GABBR2: variants seen among roughly 807,000 people sequenced by gnomAD.
The protein encoded by GABBR2 is G-protein coupled receptor 51.
A neutral mutation model predicts 105.6 loss-of-function variants in GABBR2; 23 were observed. That is an observed-to-expected ratio of 0.22 (90% CI 0.16 to 0.31). The LOEUF (loss-of-function observed/expected upper bound fraction) is 0.31, where lower values mean the gene tolerates loss of function less well. Ranked by LOEUF, GABBR2 falls within the 10% of genes least tolerant of loss-of-function variation. The pLI, the probability that GABBR2 is intolerant of heterozygous loss-of-function variation, is 1.00. For synonymous variants in GABBR2, 478 were observed against 499.7 expected (o/e 0.96, Z 0.58); for missense variants, 734 against 1,245.5 (o/e 0.59, Z 6.18).
At chr9:98,323,246 G>A (rs1047597661) in intron 13 of GABBR2, among the ~76,000 whole-genome samples, 7 of 152,206 alleles carry the variant, frequency 4.6e-5, no homozygotes, top group South Asian at 4.1e-4. Flanking sequence ...AGGGCCCCAC[G>A]ACAGTGCTCT....
At chr9:98,552,787 C>T (rs1479060112) in intron 2 of GABBR2, among the ~76,000 whole-genome samples, 3 of 152,154 alleles carry the variant, frequency 2.0e-5, no homozygotes, top group Non-Finnish European at 4.4e-5. Context: ...GGGGAACAAT[C>T]ATTTCTCCTT....
chr9:98,651,578 A>T (rs59647504), intron 1 of GABBR2, among the ~76,000 whole-genome samples: 13,776 of 151,964 alleles, frequency 0.091, 958 homozygotes, highest in African/African-American at 0.19. Context: ...AGAATTACAA[A>T]CACACACCAT....
intron 1 of GABBR2, among the ~76,000 whole-genome samples, chr9:98,647,886 A>G (rs143439612): frequency 1.1e-3 from 174 of 152,218 alleles, no homozygotes; most frequent in African/African-American, 3.9e-3. Context: ...ATTCAAGTAC[A>G]ATTCTCATAT....
chr9:98,459,577 T>C (rs1826387741), intron 6 of GABBR2, among the ~76,000 whole-genome samples: 1 of 152,228 alleles, frequency 6.6e-6, no homozygotes, highest in South Asian at 2.1e-4. Flanking sequence ...AAAGTGAGCC[T>C]GGTATTAAGA....
At chr9:98,698,362 A>T (rs914544137) in intron 1 of GABBR2, among the ~76,000 whole-genome samples, 5 of 152,222 alleles carry the variant, frequency 3.3e-5, no homozygotes, top group African/African-American at 1.2e-4. Flanking sequence ...ACTACTCTAA[A>T]AAAATCAGAA....
At chr9:98,577,694 G>A (rs1405657490) in intron 2 of GABBR2, among the ~76,000 whole-genome samples, 2 of 152,216 alleles carry the variant, frequency 1.3e-5, no homozygotes, top group African/African-American at 4.8e-5. Flanking sequence ...TAGGGAGTCA[G>A]TGGTGAGCCC....
intron 11 of GABBR2, among the ~76,000 whole-genome samples, chr9:98,381,938 C>G (rs915629614): frequency 6.6e-6 from 1 of 152,100 alleles, no homozygotes; most frequent in Non-Finnish European, 1.5e-5. Flanking sequence ...TGCTCCCTAG[C>G]CTGCGTCACC....
chr9:98,685,120 G>A (rs899942888), intron 1 of GABBR2, among the ~76,000 whole-genome samples: 5 of 152,208 alleles, frequency 3.3e-5, no homozygotes, highest in Non-Finnish European at 5.9e-5. Flanking sequence ...ATAAAAGCAG[G>A]CAGAGGAAAA....
At chr9:98,482,023 C>T (rs780519507) in intron 4 of GABBR2, among the ~76,000 whole-genome samples, 16 of 152,126 alleles carry the variant, frequency 1.1e-4, no homozygotes, top group Non-Finnish European at 1.9e-4. Context: ...ACGGGTGGGG[C>T]GGCCACCAGG....
rs576456763 is a variant in GABBR2, at chr9:98,305,381, A to G, written c.2229+740T>C. On this transcript the variant is annotated intron_variant, in intron 15 of 18. Transcript: ENST00000259455. ...AAAAAATGTTCATTTCTAAAATCCA[A>G]TGCTCACCAATATAAGATCAAGTGG... 9.2e-5 allele frequency among the ~76,000 whole-genome samples: 14 copies of G among 152,372 alleles called. No individual in the cohort carries two copies. The South Asian group carries it at 1.0e-3, about 11-fold the overall frequency.
intron 1 of GABBR2, among the ~76,000 whole-genome samples, chr9:98,586,145 T>C (rs1278850495): frequency 6.6e-6 from 1 of 152,102 alleles, no homozygotes; most frequent in Non-Finnish European, 1.5e-5. Flanking sequence ...TGAAAAATAG[T>C]AATGCGAACA....
intron 3 of GABBR2, among the ~76,000 whole-genome samples, chr9:98,515,669 C>T (rs765081168): frequency 6.6e-6 from 1 of 152,046 alleles, no homozygotes; most frequent in Non-Finnish European, 1.5e-5. Flanking sequence ...CCAGAGCCCA[C>T]CTCTCCTCCT....
chr9:98,601,018 T>C (rs749481126), intron 1 of GABBR2, among the ~76,000 whole-genome samples: 1 of 152,208 alleles, frequency 6.6e-6, no homozygotes, highest in Non-Finnish European at 1.5e-5. Context: ...AGCTCACATG[T>C]CACTTTCTGC....
At chr9:98,397,559 T>C (rs1439209474) in intron 8 of GABBR2, among the ~76,000 whole-genome samples, 4 of 152,210 alleles carry the variant, frequency 2.6e-5, no homozygotes, top group Non-Finnish European at 5.9e-5. Context: ...AAATTACGGT[T>C]ATTTTATTCA....
intron 7 of GABBR2, among the ~76,000 whole-genome samples, chr9:98,406,703 GCTT>G (rs2131530785): frequency 6.6e-6 from 1 of 152,338 alleles, no homozygotes; most frequent in African/African-American, 2.4e-5. Context: ...AAAAAACTAA[GCTT>G]CTTGAGCCAG....
intron 4 of GABBR2, 113 bp downstream of exon 4, chr9:98,496,299 TG>T (rs1211815323): frequency 1.4e-6 from 1 of 708,002 alleles, no homozygotes; most frequent in Admixed American, 2.1e-5. Flanking sequence ...GATGCCAAGG[TG>T]GAAATGAACT....
At chr9:98,370,936 G>A (rs1376119957) in intron 12 of GABBR2, among the ~76,000 whole-genome samples, 1 of 152,146 alleles carries the variant, frequency 6.6e-6, no homozygotes, top group Admixed American at 6.5e-5. Context: ...TACCAGCCCT[G>A]TTTCACTCCT....
intron 1 of GABBR2, among the ~76,000 whole-genome samples, chr9:98,622,055 C>T (rs1218987930): frequency 6.6e-6 from 1 of 152,086 alleles, no homozygotes; most frequent in Non-Finnish European, 1.5e-5. Flanking sequence ...TTTTAATGAC[C>T]CAAATATTAT....
chr9:98,408,816 C>A (rs543363228), intron 7 of GABBR2, among the ~76,000 whole-genome samples: 159 of 152,218 alleles, frequency 1.0e-3, no homozygotes, highest in African/African-American at 3.8e-3. Flanking sequence ...GAGACAGGGT[C>A]TCGCTCTGTT....
Sources: allele counts gnomAD v4.1 joint callset (sites outside exome capture counted in the v4.1 genomes callset), GRCh38; gene constraint gnomAD v4.1.1; transcripts MANE v1.5; gene names NCBI Gene and HGNC (gene_info 2026-07-23, HGNC 2026-07-21).